The following FBXL17 variants were observed in gnomAD, a reference collection of about 807,000 sequenced individuals.
The protein encoded by FBXL17 is F-box and leucine rich repeat protein 17, also known as F-box/LRR-repeat protein 17.
Under a neutral mutation model 66.2 loss-of-function variants are expected in FBXL17, and 22 were observed. The ratio of observed to expected loss-of-function variants is 0.33; its 90% CI spans 0.24 to 0.47. The LOEUF (loss-of-function observed/expected upper bound fraction) is 0.47, where lower values mean the gene tolerates loss of function less well. Ranked by LOEUF, FBXL17 falls within the 20% of genes least tolerant of loss-of-function variation. The pLI is 1.00. For missense variants in FBXL17, 878 were observed against 948.2 expected (o/e 0.93, Z 0.97); for synonymous variants, 474 against 400.5 (o/e 1.18, Z -2.19).
At chr5:108,301,483 C>T (rs1246295975) in intron 4 of FBXL17, among the ~76,000 whole-genome samples, 1 of 151,686 alleles carries the variant, frequency 6.6e-6, no homozygotes, top group Non-Finnish European at 1.5e-5. Context: ...GCACTTGCAG[C>T]TACATTTCTA....
At chr5:108,109,579 T>C (rs1457244601) in intron 6 of FBXL17, among the ~76,000 whole-genome samples, 6 of 152,208 alleles carry the variant, frequency 3.9e-5, no homozygotes, top group Non-Finnish European at 7.3e-5. Flanking sequence ...ACATAAAACT[T>C]ATATTTAAAT....
At chr5:107,904,515 C>G (rs187309398) in intron 7 of FBXL17, among the ~76,000 whole-genome samples, 1 of 152,216 alleles carries the variant, frequency 6.6e-6, no homozygotes, top group Admixed American at 6.6e-5. Context: ...TGATATATAA[C>G]TATATCTAGT....
intron 8 of FBXL17, among the ~76,000 whole-genome samples, chr5:107,866,087 GT>G (rs10712806): frequency 0.82 from 122,862 of 150,052 alleles, 50,268 homozygotes; most frequent in South Asian, 0.9. Context: ...TAAAGATGAA[GT>G]TTTTTTTTTT....
chr5:108,299,265 A>AAAT (rs1758479317), intron 4 of FBXL17: 1 of 985,066 alleles, frequency 1.0e-6, no homozygotes, highest in African/African-American at 1.7e-5. Flanking sequence ...GCGTTAGGGC[A>AAAT]GATCCCTCTC....
At chr5:108,356,079 G>A (rs1747968240) in intron 3 of FBXL17, among the ~76,000 whole-genome samples, 1 of 152,076 alleles carries the variant, frequency 6.6e-6, no homozygotes, top group African/African-American at 2.4e-5. Context: ...GAAAGCAGAA[G>A]TAGCTACATT....
chr5:108,338,237 T>A lies in FBXL17; in HGVS notation c.1506+10162A>T, dbSNP rs532762657. Among the ~76,000 whole-genome samples, 13 of 152,232 alleles carry A rather than the reference T, an allele frequency of 8.5e-5. No homozygotes were observed. In the South Asian group the frequency reaches 2.5e-3, roughly 29 times the overall value. ...AAATAATTTTATAACCTCTCGGCGT[T>A]CACTTGGACATTTAAACAGTAATGA... On this transcript the variant is annotated intron_variant, in intron 4 of 8. Coordinates refer to ENST00000542267, the MANE Select transcript of FBXL17 (RefSeq NM_001163315.3).
intron 7 of FBXL17, among the ~76,000 whole-genome samples, chr5:107,899,779 T>C (rs964393455): frequency 6.6e-6 from 1 of 152,266 alleles, no homozygotes; most frequent in East Asian, 1.9e-4. Flanking sequence ...GTATTTACCA[T>C]TGAGTAATAT....
At chr5:108,041,400 CTTT>C (rs1561381327) in intron 6 of FBXL17, among the ~76,000 whole-genome samples, 2 of 151,952 alleles carry the variant, frequency 1.3e-5, no homozygotes, top group East Asian at 1.9e-4. Context: ...AGCAAATTGC[CTTT>C]TTGTTTTTTT....
At chr5:108,057,035 T>A (rs373495425) in intron 6 of FBXL17, among the ~76,000 whole-genome samples, 1 of 152,130 alleles carries the variant, frequency 6.6e-6, no homozygotes. Context: ...ACAAAAAGCA[T>A]CCAAAAGCAT....
At chr5:107,903,123 AC>A (rs1749631361) in intron 7 of FBXL17, among the ~76,000 whole-genome samples, 1 of 152,186 alleles carries the variant, frequency 6.6e-6, no homozygotes, top group Admixed American at 6.5e-5. Flanking sequence ...GCTTACAAAA[AC>A]AACAAAAAGA....
At chr5:108,204,365 T>C (rs966043979) in intron 5 of FBXL17, among the ~76,000 whole-genome samples, 3 of 152,058 alleles carry the variant, frequency 2.0e-5, no homozygotes, top group Admixed American at 6.6e-5. Context: ...TAATTTTTTG[T>C]AGAGATGGGT....
intron 8 of FBXL17, chr5:107,878,858 A>G (rs968886556): frequency 6.1e-6 from 6 of 985,488 alleles, no homozygotes; most frequent in Non-Finnish European, 7.2e-6. Flanking sequence ...TGGGTCCAGC[A>G]TCTCCCTGGG....
rs1010960687 is a variant in FBXL17 at position 108,381,014 on chromosome 5, GCCGCCGCCGCCGCCGCCGCAGCCC to G, written c.654_677del (p.Cys220_Gly227del). Reference sequence around the variant, plus strand: ...CCCCCGCAGGCCCTCCCCCGCCACCGCCGCCGCCGCCGCCGCCGCAGCCCCCGCCGCCGCAGCGGGGCTGCTTGC... The same window carrying G: ...CCCCCGCAGGCCCTCCCCCGCCACCGCCGCCGCCGCAGCGGGGCTGCTTGC... On this transcript the variant is annotated inframe_deletion, in exon 1 of 9. Coordinates refer to ENST00000542267, the MANE Select transcript of FBXL17 (RefSeq NM_001163315.3). 1 of 936,570 alleles carries G rather than the reference GCCGCCGCCGCCGCCGCCGCAGCCC, an allele frequency of 1.1e-6. No homozygotes were observed. The highest frequency in any genetic ancestry group is 1.8e-5 in the African/African-American group (1 of 56,414). The allele number at this position is 936,570 out of a possible 1,614,324, so 58.0% of individuals were successfully genotyped here. A position where few individuals can be genotyped will look rare whatever the true frequency, so the allele number is the denominator to read the frequency against.
chr5:107,883,299 G>A (rs1748854218), intron 7 of FBXL17, among the ~76,000 whole-genome samples: 1 of 152,176 alleles, frequency 6.6e-6, no homozygotes, highest in South Asian at 2.1e-4. Flanking sequence ...AGTAAGTGGG[G>A]GAGTGGATTT....
chr5:107,859,227 G>A lies in FBXL17; in HGVS notation c.*2493C>T, dbSNP rs1748053851. On this transcript the variant is annotated 3_prime_UTR_variant, in exon 9 of 9. Coordinates refer to ENST00000542267, the MANE Select transcript of FBXL17 (RefSeq NM_001163315.3). ...GTTGACATTTTGGAGAGAATAAAAAGCCCTGCATTAAACGTGTTCACATGT... is the reference window on the plus strand; with the variant it reads ...GTTGACATTTTGGAGAGAATAAAAAACCCTGCATTAAACGTGTTCACATGT... 6.6e-6 allele frequency: 1 copy of A among 151,936 alleles called. No homozygotes were observed. 9.4% of individuals were successfully genotyped at this position (151,936 alleles called of 1,614,324 possible).
chr5:108,124,457 T>TA (rs1459641177), intron 6 of FBXL17, among the ~76,000 whole-genome samples: 1 of 152,052 alleles, frequency 6.6e-6, no homozygotes, highest in Admixed American at 6.6e-5. Context: ...TATAATTACT[T>TA]AAAATTCTAA....
intron 4 of FBXL17, among the ~76,000 whole-genome samples, chr5:108,266,005 AG>A (rs1358523521): frequency 6.6e-6 from 1 of 152,126 alleles, no homozygotes; most frequent in Non-Finnish European, 1.5e-5. Flanking sequence ...TTTCTTACTG[AG>A]GGGAACTAAT....
At chr5:108,289,330 G>A (rs1279705285) in intron 4 of FBXL17, among the ~76,000 whole-genome samples, 1 of 152,072 alleles carries the variant, frequency 6.6e-6, no homozygotes, top group Non-Finnish European at 1.5e-5. Context: ...GACGTTCCTT[G>A]AATTAGGAAG....
At chr5:108,003,989 C>T (rs1296907603) in intron 7 of FBXL17, among the ~76,000 whole-genome samples, 2 of 151,790 alleles carry the variant, frequency 1.3e-5, no homozygotes, top group Non-Finnish European at 2.9e-5. Flanking sequence ...AAATTCTGAA[C>T]GTGATAAATA....
Sources: allele counts gnomAD v4.1 joint callset (sites outside exome capture counted in the v4.1 genomes callset), GRCh38; gene constraint gnomAD v4.1.1; transcripts MANE v1.5; gene names NCBI Gene and HGNC (gene_info 2026-07-23, HGNC 2026-07-21).